The following USP47 variants were observed in gnomAD, a reference collection of about 807,000 sequenced individuals.
USP47 encodes ubiquitin carboxyl-terminal hydrolase 47.
In USP47, 35 loss-of-function variants were observed where a neutral mutation model predicts 165.1. The observed-to-expected ratio is 0.21, with a 90% CI of 0.16 to 0.28. The LOEUF (loss-of-function observed/expected upper bound fraction) is 0.28. Among genes scored for constraint, USP47 ranks in the 10% least tolerant of loss-of-function variants. The pLI is 1.00. For synonymous variants in USP47, 531 were observed against 544.5 expected (o/e 0.98, Z 0.35); for missense variants, 1,277 against 1,607.4 (o/e 0.79, Z 3.52).
intron 1 of USP47, among the ~76,000 whole-genome samples, chr11:11,855,407 G>A (rs1014608059): frequency 2.0e-5 from 3 of 152,176 alleles, no homozygotes; most frequent in Non-Finnish European, 4.4e-5. Context: ...GTGGTACTAT[G>A]ATGATGCTTT....
At chr11:11,899,176 AAT>A (rs1205759864) in intron 5 of USP47, among the ~76,000 whole-genome samples, 1 of 152,170 alleles carries the variant, frequency 6.6e-6, no homozygotes, top group African/African-American at 2.4e-5. Context: ...GGATGAGGTT[AAT>A]AAATAGAGTT....
At chr11:11,929,711 T>A in intron 12 of USP47, 146 bp downstream of exon 12, 1 of 1,232,262 alleles carries the variant, frequency 8.1e-7, no homozygotes, top group Admixed American at 2.6e-5. Context: ...TTTTTGCTTT[T>A]AGTAAAGTTC....
At chr11:11,875,004 T>G (rs977465305) in intron 1 of USP47, among the ~76,000 whole-genome samples, 2 of 151,712 alleles carry the variant, frequency 1.3e-5, no homozygotes, top group Non-Finnish European at 2.9e-5. Context: ...TGGCAGCTCC[T>G]GTACCAAAAG....
chr11:11,860,749 C>T (rs919566008), intron 1 of USP47, among the ~76,000 whole-genome samples: 13 of 152,084 alleles, frequency 8.5e-5, no homozygotes, highest in African/African-American at 3.1e-4. Context: ...TAGTAAAGGA[C>T]GTATTATTTC....
chr11:11,850,100 C>A (rs6485262), intron 1 of USP47, among the ~76,000 whole-genome samples: 2,038 of 152,128 alleles, frequency 0.013, 50 homozygotes, highest in African/African-American at 0.047. Flanking sequence ...AGTTATATGT[C>A]TGTTTTTTTA....
chr11:11,935,463 C>T (rs938199842), intron 16 of USP47, among the ~76,000 whole-genome samples: 1 of 150,150 alleles, frequency 6.7e-6, no homozygotes, highest in Admixed American at 6.7e-5. Context: ...AGTAAAAGTT[C>T]GCAAATAAAA....
chr11:11,892,943 C>A (rs551862311), intron 4 of USP47, among the ~76,000 whole-genome samples: 12 of 151,396 alleles, frequency 7.9e-5, no homozygotes, highest in Admixed American at 6.6e-4. Context: ...GTGTTGTCTA[C>A]TTTTACAGTA....
In USP47 at chr11:11,905,476, G is replaced by T; in HGVS notation, c.897G>T (p.Trp299Cys). 1 of 1,610,836 alleles carries T rather than the reference G, an allele frequency of 6.2e-7. No individual in the cohort carries two copies. The highest frequency in any genetic ancestry group is 8.5e-7 in the Non-Finnish European group (1 of 1,177,784). The change falls in exon 8 of 28, where the codon TGG (tryptophan) becomes TGT (cysteine). Residue 299 changes from tryptophan (W) to cysteine (C), a missense_variant. Trp to Cys is a radical substitution (Grantham distance 215). This residue lies in a region of USP47 where 175 missense variants were observed against 295.8 expected (regional missense o/e 0.59). Transcript: ENST00000527733. ...GTCTGGAATGTGGTTATGAGGGCTG[G>T]CGAATCGACACATATCTTGATATTC... is the stretch of plus-strand genomic sequence containing the variant. Reference protein sequence around the residue: ...VRCLECGYEGWRIDTYLDIPL... With the variant: ...VRCLECGYEGCRIDTYLDIPL...
intron 20 of USP47, among the ~76,000 whole-genome samples, chr11:11,947,091 G>A (rs939665933): frequency 6.6e-6 from 1 of 152,176 alleles, no homozygotes; most frequent in Non-Finnish European, 1.5e-5. Context: ...AGGCAGCACT[G>A]CCTTATTAAC....
At chr11:11,937,176 T>A (rs375859054) in intron 17 of USP47, among the ~76,000 whole-genome samples, 10 of 151,934 alleles carry the variant, frequency 6.6e-5, no homozygotes, top group Non-Finnish European at 1.0e-4. Context: ...ATGGTCTGTT[T>A]TTGTCCAGAG....
intron 3 of USP47, among the ~76,000 whole-genome samples, chr11:11,886,612 A>C (rs976938744): frequency 1.3e-5 from 2 of 152,180 alleles, no homozygotes; most frequent in Non-Finnish European, 2.9e-5. Context: ...CCAAACGTAC[A>C]ACTGATTGGG....
At chr11:11,925,605 T>C (rs1313327510) in intron 11 of USP47, among the ~76,000 whole-genome samples, 1 of 151,820 alleles carries the variant, frequency 6.6e-6, no homozygotes, top group East Asian at 1.9e-4. Flanking sequence ...TTTTGTATCC[T>C]GCACTTTTTG....
chr11:11,952,039 G>A (rs1856259737), intron 24 of USP47: 2 of 152,190 alleles, frequency 1.3e-5, no homozygotes, highest in Admixed American at 1.3e-4. Context: ...GAAATGTCAT[G>A]TGATTAAATC....
In USP47 at chr11:11,960,954, T is replaced by C. The variant is rs892376941; in HGVS notation, c.*4779T>C. On this transcript the variant is annotated 3_prime_UTR_variant, in exon 28 of 28. Coordinates refer to ENST00000527733, the MANE Select transcript of USP47 (RefSeq NM_001282659.2). ...CCTCCCCACAGGCCCAGAGAACCAG[T>C]TGGGCTTTGTTCTCCTGCAGGCTAT... Among the ~76,000 whole-genome samples the C allele has an allele frequency of 1.3e-5, 2 of 152,158 alleles. No homozygotes were observed. The highest frequency in any genetic ancestry group is 6.5e-5 in the Admixed American group (1 of 15,280).
At chr11:11,891,879 T>G in intron 3 of USP47, 89 bp from the exon 4 acceptor site, 1 of 1,484,840 alleles carries the variant, frequency 6.7e-7, no homozygotes, top group Non-Finnish European at 9.1e-7. Context: ...GTATCAGGCA[T>G]CATTCAAACC....
At position 11,959,385 on chromosome 11, in the gene USP47, T is replaced by G. The variant is rs144350992; in HGVS notation, c.*3210T>G. ...TTGGTCACTAGTAGTCAAAATCTTA[T>G]AAGGCCATATGTCCTGAAAGGCAAA... is the stretch of plus-strand genomic sequence containing the variant. On this transcript the variant is annotated 3_prime_UTR_variant, in exon 28 of 28. Transcript: ENST00000527733. The G allele has an allele frequency of 6.6e-6, 1 of 152,308 alleles. No individual in the cohort carries two copies. The highest frequency in any genetic ancestry group is 1.9e-4 in the East Asian group (1 of 5,180). 9.4% of individuals were successfully genotyped at this position (152,308 alleles called of 1,614,324 possible).
chr11:11,932,677 T>C (rs572313797), intron 14 of USP47, among the ~76,000 whole-genome samples: 91 of 152,242 alleles, frequency 6.0e-4, no homozygotes, highest in Middle Eastern at 3.4e-3. Context: ...ATGGCATGAT[T>C]TGAAGTCAGA....
chr11:11,948,654 C>A, intron 22 of USP47, 96 bp downstream of exon 22: 1 of 1,193,894 alleles, frequency 8.4e-7, no homozygotes, highest in South Asian at 1.5e-5. Context: ...TTCTCTGAAG[C>A]AAAGGTCAGC....
At chr11:11,931,192 T>G (rs909724158) in intron 14 of USP47, among the ~76,000 whole-genome samples, 1 of 152,288 alleles carries the variant, frequency 6.6e-6, no homozygotes, top group Non-Finnish European at 1.5e-5. Context: ...AAAAAAAATA[T>G]AATCACAATC....
Sources: gnomAD v4.1 joint callset for allele counts (sites outside exome capture counted in the v4.1 genomes callset) on GRCh38, gnomAD v4.1.1 for gene constraint, gnomAD v4.1.1 regional missense constraint, MANE v1.5 for transcripts, NCBI Gene and HGNC (gene_info 2026-07-23, HGNC 2026-07-21) for gene names.